GRAMD2B: variants seen among roughly 807,000 people sequenced by gnomAD.
GRAMD2B encodes GRAM domain containing 2B.
GRAMD2B carries 41 observed loss-of-function variants against 59.2 expected under a neutral mutation model. That is an observed-to-expected ratio of 0.69 (90% CI 0.54 to 0.90). GRAMD2B has a LOEUF of 0.90. Among genes scored for constraint, GRAMD2B ranks in the 40% least tolerant of loss-of-function variants. GRAMD2B has a pLI of 0.00. For missense variants in GRAMD2B, 424 were observed against 500.5 expected (o/e 0.85, Z 1.46); for synonymous variants, 161 against 182.7 (o/e 0.88, Z 0.96).
At chr5:126,454,228 G>A (rs945540191) in intron 1 of GRAMD2B, among the ~76,000 whole-genome samples, 3 of 152,172 alleles carry the variant, frequency 2.0e-5, no homozygotes, top group African/African-American at 7.2e-5. Context: ...CCTCGATCTG[G>A]TGCTCAATAG....
chr5:126,406,126 A>T (rs1282899813), intron 1 of GRAMD2B, among the ~76,000 whole-genome samples: 1 of 151,962 alleles, frequency 6.6e-6, no homozygotes, highest in East Asian at 1.9e-4. Flanking sequence ...AAAAGAAAAA[A>T]GATATTTATG....
intron 1 of GRAMD2B, among the ~76,000 whole-genome samples, chr5:126,412,539 A>G (rs555326669): frequency 3.9e-5 from 6 of 152,042 alleles, no homozygotes; most frequent in Non-Finnish European, 8.8e-5. Context: ...TTTTGCATCT[A>G]TGTTCATCAG....
In GRAMD2B at chr5:126,485,737, C is replaced by T. The variant is rs138413986; in HGVS notation, c.1022C>T (p.Pro341Leu). The stretch of plus-strand genomic sequence containing the variant: ...CATAAAGTCAAGTCTCAGAAATGTC[C>T]GATGCTTCACCATATTCTTATATTC... Reference protein sequence around the residue: ...ILHKVKSQKCPMLHHILIFYA... With the variant: ...ILHKVKSQKCLMLHHILIFYA... Residue 341 changes from proline to leucine, a missense_variant, in exon 11 of 14, where the codon CCG becomes CTG. Transcript: ENST00000285689. The T allele has an allele frequency of 1.1e-4, 175 of 1,611,480 alleles. No homozygotes were observed. The highest frequency in any genetic ancestry group is 1.3e-4 in the Admixed American group (8 of 59,972).
chr5:126,487,988 C>G (rs1236899507), intron 12 of GRAMD2B, among the ~76,000 whole-genome samples: 1 of 152,158 alleles, frequency 6.6e-6, no homozygotes, highest in African/African-American at 2.4e-5. Flanking sequence ...GCATTTCCAG[C>G]AAGTTCCCAG....
intron 1 of GRAMD2B, among the ~76,000 whole-genome samples, chr5:126,376,021 G>A (rs938618794): frequency 1.3e-5 from 2 of 152,184 alleles, no homozygotes; most frequent in Admixed American, 6.5e-5. Flanking sequence ...ATGAATTGCT[G>A]TAACGTCTAT....
chr5:126,411,988 T>G (rs1018199741), intron 1 of GRAMD2B, among the ~76,000 whole-genome samples: 9 of 152,084 alleles, frequency 5.9e-5, no homozygotes, highest in Admixed American at 2.6e-4. Context: ...TAAGTCATTT[T>G]TAAGTTCCAG....
chr5:126,391,319 C>CTAAAAAAAAAAAAAAA (rs1756735335), intron 1 of GRAMD2B, among the ~76,000 whole-genome samples: 1 of 76,350 alleles, frequency 1.3e-5, no homozygotes, highest in Non-Finnish European at 2.6e-5. Flanking sequence ...GACTCCATCT[C>CTAAAAAAAAAAAAAAA]AAAAAAAAAA....
intron 1 of GRAMD2B, among the ~76,000 whole-genome samples, chr5:126,403,404 T>C (rs934662206): frequency 1.3e-5 from 2 of 152,032 alleles, no homozygotes; most frequent in African/African-American, 4.8e-5. Context: ...AATTACAAAA[T>C]GCCATGTGGA....
chr5:126,422,917 C>A (rs1759895627), upstream of GRAMD2B, among the ~76,000 whole-genome samples: 2 of 150,198 alleles, frequency 1.3e-5, no homozygotes, highest in Admixed American at 1.3e-4. Flanking sequence ...CTCTAACCAC[C>A]CCCCCCACCC....
intron 1 of GRAMD2B, among the ~76,000 whole-genome samples, chr5:126,435,052 T>C (rs1762189737): frequency 1.3e-5 from 2 of 152,216 alleles, no homozygotes; most frequent in South Asian, 4.1e-4. Flanking sequence ...TTATGTGCTA[T>C]ATCTTCGCTC....
intron 1 of GRAMD2B, among the ~76,000 whole-genome samples, chr5:126,378,824 C>T (rs915456790): frequency 6.6e-6 from 1 of 152,136 alleles, no homozygotes; most frequent in African/African-American, 2.4e-5. Context: ...GTAGTTTTTA[C>T]TTTGCCATTT....
chr5:126,377,434 G>T (rs1755289295), intron 1 of GRAMD2B, among the ~76,000 whole-genome samples: 1 of 152,110 alleles, frequency 6.6e-6, no homozygotes, highest in Admixed American at 6.5e-5. Flanking sequence ...CCACTGGTAA[G>T]GTGCGCAGAT....
intron 10 of GRAMD2B, among the ~76,000 whole-genome samples, chr5:126,484,939 TGTATTATAG>T (rs1406315123): frequency 6.6e-6 from 1 of 152,170 alleles, no homozygotes; most frequent in Non-Finnish European, 1.5e-5. Flanking sequence ...TTCCTCCCTT[TGTATTATAG>T]GTCTTTGCAT....
chr5:126,465,698 C>T (rs1253861845), intron 2 of GRAMD2B, among the ~76,000 whole-genome samples, 153 bp downstream of exon 2: 1 of 152,180 alleles, frequency 6.6e-6, no homozygotes, highest in Non-Finnish European at 1.5e-5. Flanking sequence ...CCCTGATACC[C>T]AGGTAGCATC....
In GRAMD2B at chr5:126,486,923, C is replaced by T. The variant is rs1349263348; in HGVS notation, c.1109C>T (p.Thr370Ile). 1 of 1,612,286 alleles carries T rather than the reference C, an allele frequency of 6.2e-7. No individual in the cohort carries two copies. The highest frequency in any genetic ancestry group is 1.3e-5 in the African/African-American group (1 of 74,774). ...STFYMRYRIN[T>I]LEEQLGLLTS... ...TTCTACATGAGATACAGAATTAATA[C>T]TCTGGAGGAGCAGCTGGGGTTACTA... The change falls in exon 12 of 14, where the codon ACT (threonine) becomes ATT (isoleucine). Residue 370 changes from threonine (T) to isoleucine (I), a missense_variant. Coordinates refer to ENST00000285689, the MANE Select transcript of GRAMD2B (RefSeq NM_023927.4).
In GRAMD2B at chr5:126,424,062, A is replaced by G. The variant is rs539009374; in HGVS notation, c.83+373A>G. ...TAGTTCAGCAAATAATTGAGTATCT[A>G]CTTGTTCAATAACGATGGGCAATAC... On this transcript the variant is annotated intron_variant, in intron 1 of 13. Coordinates refer to ENST00000285689, the MANE Select transcript of GRAMD2B (RefSeq NM_023927.4). 1.5e-4 allele frequency among the ~76,000 whole-genome samples: 23 copies of G among 152,326 alleles called. No homozygotes were observed. In the South Asian group the frequency reaches 2.5e-3, roughly 16 times the overall value.
chr5:126,466,394 T>G, intron 2 of GRAMD2B: 3 of 768,824 alleles, frequency 3.9e-6, no homozygotes, highest in Non-Finnish European at 6.9e-6. Flanking sequence ...CAATTATCTC[T>G]CCATCTTTCC....
intron 1 of GRAMD2B, among the ~76,000 whole-genome samples, chr5:126,434,643 G>C (rs987840658): frequency 4.6e-5 from 7 of 151,776 alleles, no homozygotes; most frequent in Non-Finnish European, 7.4e-5. Context: ...TCAGCCTCCC[G>C]AGTAGCTGGG....
intron 1 of GRAMD2B, among the ~76,000 whole-genome samples, chr5:126,388,372 CA>C (rs1485021767): frequency 2.0e-5 from 3 of 151,132 alleles, no homozygotes; most frequent in African/African-American, 7.4e-5. Flanking sequence ...GATCTTATCT[CA>C]AAAAATAAAC....
Sources: gnomAD v4.1 joint callset for allele counts (sites outside exome capture counted in the v4.1 genomes callset) on GRCh38, gnomAD v4.1.1 for gene constraint, MANE v1.5 for transcripts, NCBI Gene and HGNC (gene_info 2026-07-23, HGNC 2026-07-21) for gene names.